The following OPCML variants were observed in gnomAD, a reference collection of about 807,000 sequenced individuals.
OPCML encodes the protein opioid binding protein/cell adhesion molecule like, also known as opioid-binding protein/cell adhesion molecule.
OPCML carries 13 observed loss-of-function variants against 37.8 expected under a neutral mutation model. That is an observed-to-expected ratio of 0.34 (90% CI 0.22 to 0.55). OPCML has a LOEUF of 0.55. Among genes scored for constraint, OPCML ranks in the 20% least tolerant of loss-of-function variants. OPCML has a pLI of 0.91. For synonymous variants in OPCML, 176 were observed against 168.8 expected, an observed-to-expected ratio of 1.04 and a Z score of -0.33; for missense variants, 341 against 435.6, an observed-to-expected ratio of 0.78 and a Z score of 1.93.
intron 2 of OPCML, among the ~76,000 whole-genome samples, chr11:132,672,575 T>C (rs1285874631): frequency 6.6e-6 from 1 of 152,222 alleles, no homozygotes; most frequent in South Asian, 2.1e-4. Context: ...AACATATTTG[T>C]TATTTTAGCG....
chr11:132,501,754 A>G (rs1428678969), intron 4 of OPCML, among the ~76,000 whole-genome samples: 4 of 152,256 alleles, frequency 2.6e-5, no homozygotes, highest in Non-Finnish European at 4.4e-5. Context: ...TTCATGAACC[A>G]AATAAGCAAA....
chr11:133,493,195 C>T (rs1591561603), intron 1 of OPCML, among the ~76,000 whole-genome samples: 2 of 152,222 alleles, frequency 1.3e-5, no homozygotes, highest in East Asian at 3.9e-4. Flanking sequence ...TGGCCTGTAC[C>T]CTTCTGAGAG....
At chr11:132,915,405 C>T (rs1211086800) in intron 2 of OPCML, among the ~76,000 whole-genome samples, 1 of 152,230 alleles carries the variant, frequency 6.6e-6, no homozygotes, top group Non-Finnish European at 1.5e-5. Flanking sequence ...AAGACCTCAG[C>T]CTGTGCAACC....
At chr11:132,821,567 G>C (rs146106780) in intron 2 of OPCML, among the ~76,000 whole-genome samples, 1 of 152,342 alleles carries the variant, frequency 6.6e-6, no homozygotes, top group Non-Finnish European at 1.5e-5. Flanking sequence ...CATTAAAAAT[G>C]CATTTAAGCT....
intron 3 of OPCML, among the ~76,000 whole-genome samples, chr11:132,629,509 A>G (rs1170117127): frequency 3.9e-5 from 6 of 152,364 alleles, no homozygotes; most frequent in African/African-American, 1.4e-4. Context: ...TCCTCATTGC[A>G]TATGAAAATA....
intron 1 of OPCML, among the ~76,000 whole-genome samples, chr11:133,404,206 A>G (rs1474397535): frequency 6.6e-6 from 1 of 152,166 alleles, no homozygotes; most frequent in Non-Finnish European, 1.5e-5. Context: ...CTTTGTGTCC[A>G]CATTTCCCTC....
At chr11:133,512,170 T>C (rs1948175281) in intron 1 of OPCML, among the ~76,000 whole-genome samples, 1 of 152,238 alleles carries the variant, frequency 6.6e-6, no homozygotes, top group African/African-American at 2.4e-5. Flanking sequence ...TTGTGATCTG[T>C]GTTTCTGACC....
intron 2 of OPCML, among the ~76,000 whole-genome samples, chr11:132,680,487 C>T (rs141579038): frequency 4.6e-5 from 7 of 152,286 alleles, no homozygotes; most frequent in African/African-American, 1.7e-4. Flanking sequence ...GATGCACTTT[C>T]CTCAGGGCTG....
intron 1 of OPCML, among the ~76,000 whole-genome samples, chr11:132,945,439 A>C (rs1945724076): frequency 6.6e-6 from 1 of 152,272 alleles, no homozygotes; most frequent in Non-Finnish European, 1.5e-5. Context: ...AAGATTAAAA[A>C]ATGGTACATC....
At chr11:133,473,490 G>C (rs986035058) in intron 1 of OPCML, among the ~76,000 whole-genome samples, 2 of 152,142 alleles carry the variant, frequency 1.3e-5, no homozygotes, top group East Asian at 3.9e-4. Flanking sequence ...CAAGTACTTA[G>C]AGACAAGGAA....
intron 1 of OPCML, among the ~76,000 whole-genome samples, chr11:133,438,949 G>A (rs116570354): frequency 0.018 from 2,664 of 152,210 alleles, 51 homozygotes; most frequent in East Asian, 0.056. Context: ...GAGGCTCCAT[G>A]CCCCCACACA....
At chr11:132,628,677 C>T (rs1939892918) in intron 3 of OPCML, among the ~76,000 whole-genome samples, 1 of 152,100 alleles carries the variant, frequency 6.6e-6, no homozygotes, top group Non-Finnish European at 1.5e-5. Context: ...CACCTGTGTC[C>T]CCAGCCAAAT....
intron 1 of OPCML, among the ~76,000 whole-genome samples, chr11:133,458,015 A>G (rs749322463): frequency 3.9e-5 from 6 of 151,924 alleles, no homozygotes; most frequent in Non-Finnish European, 7.4e-5. Flanking sequence ...GCATGGTGAC[A>G]TGCACCTGCA....
At chr11:132,900,732 C>T (rs1944030196) in intron 2 of OPCML, among the ~76,000 whole-genome samples, 2 of 152,132 alleles carry the variant, frequency 1.3e-5, no homozygotes, top group Non-Finnish European at 2.9e-5. Context: ...CCCTCCCTAG[C>T]CAAACTAACT....
chr11:133,071,290 G>A (rs1183620745), intron 1 of OPCML, among the ~76,000 whole-genome samples: 2 of 152,164 alleles, frequency 1.3e-5, no homozygotes, highest in East Asian at 3.9e-4. Flanking sequence ...GTATGTGTGT[G>A]TGTGTTTCTT....
At chr11:133,293,373 G>A (rs1246806479) in intron 1 of OPCML, among the ~76,000 whole-genome samples, 1 of 152,164 alleles carries the variant, frequency 6.6e-6, no homozygotes, top group African/African-American at 2.4e-5. Flanking sequence ...ACACAAGAAA[G>A]TACATTGACG....
rs191691064 is a variant in OPCML, at chr11:132,471,321, G to A, written c.506-33962C>T. Among the ~76,000 whole-genome samples the A allele has an allele frequency of 4.3e-4, 66 of 152,254 alleles. No homozygotes were observed. The East Asian group carries it at 0.012, about 29-fold the overall frequency. ...CATCTGCTCTTCAGGTACTGCTCCTGTTCTCCTCTTGACTCAGTTATCTAT... is the reference window on the plus strand; with the variant it reads ...CATCTGCTCTTCAGGTACTGCTCCTATTCTCCTCTTGACTCAGTTATCTAT... On this transcript the variant is annotated intron_variant, in intron 4 of 7. Transcript: ENST00000524381.
intron 1 of OPCML, among the ~76,000 whole-genome samples, chr11:133,470,993 T>G (rs1053284496): frequency 3.9e-5 from 6 of 152,136 alleles, no homozygotes; most frequent in African/African-American, 1.4e-4. Context: ...GCATCCCTAC[T>G]AAGGAAAAGG....
intron 3 of OPCML, among the ~76,000 whole-genome samples, chr11:132,556,826 C>A (rs1230726914): frequency 6.6e-6 from 1 of 152,126 alleles, no homozygotes; most frequent in Non-Finnish European, 1.5e-5. Flanking sequence ...CCAAGTACTG[C>A]AGGAAAAGAG....
Sources: gnomAD v4.1 joint callset for allele counts (sites outside exome capture counted in the v4.1 genomes callset) on GRCh38, gnomAD v4.1.1 for gene constraint, MANE v1.5 for transcripts, NCBI Gene and HGNC (gene_info 2026-07-23, HGNC 2026-07-21) for gene names.